Variants in CACNA2D3 observed in about 807,000 individuals in gnomAD.
The protein encoded by CACNA2D3 is calcium voltage-gated channel auxiliary subunit alpha2delta 3.
Under a neutral mutation model 160.6 loss-of-function variants are expected in CACNA2D3, and 60 were observed. That is an observed-to-expected ratio of 0.37 (90% CI 0.30 to 0.46). The LOEUF (loss-of-function observed/expected upper bound fraction) is 0.46, where lower values mean the gene tolerates loss of function less well. CACNA2D3 is among the 20% of genes least tolerant of loss of function. The pLI is 1.00. For missense variants in CACNA2D3, 1,205 were observed against 1,365.0 expected (o/e 0.88, Z 1.85); for synonymous variants, 558 against 492.9 (o/e 1.13, Z -1.75).
rs141034089 is a variant in CACNA2D3, at chr3:54,721,027, A to G, written c.1168-31572A>G. Among the ~76,000 whole-genome samples, 549 of 152,154 alleles carry G rather than the reference A, an allele frequency of 3.6e-3. 3 individuals are homozygous for G. The highest frequency in any genetic ancestry group is 6.8e-3 in the Middle Eastern group (2 of 294). On this transcript the variant is annotated intron_variant, in intron 11 of 37. Coordinates refer to ENST00000474759, the MANE Select transcript of CACNA2D3 (RefSeq NM_018398.3). Reference sequence around the variant, plus strand: ...AATCTAAAAAAGGCAAAATATTTCTATTATTCAGTTTTGTCATCTATTAGC... The same window carrying G: ...AATCTAAAAAAGGCAAAATATTTCTGTTATTCAGTTTTGTCATCTATTAGC...
intron 31 of CACNA2D3, among the ~76,000 whole-genome samples, chr3:54,991,668 T>A (rs1226747742): frequency 6.6e-6 from 1 of 152,124 alleles, no homozygotes; most frequent in African/African-American, 2.4e-5. Context: ...CTTTCAAGGT[T>A]CCTGACGGGG....
At chr3:54,767,083 T>C (rs994768805) in intron 13 of CACNA2D3, among the ~76,000 whole-genome samples, 6 of 151,806 alleles carry the variant, frequency 4.0e-5, no homozygotes, top group African/African-American at 1.4e-4. Flanking sequence ...GGTGCAGGGC[T>C]TGGGGAGAAA....
At chr3:55,055,212 A>G (rs1404780007) in intron 35 of CACNA2D3, among the ~76,000 whole-genome samples, 2 of 151,974 alleles carry the variant, frequency 1.3e-5, no homozygotes, top group African/African-American at 4.8e-5. Flanking sequence ...TAAGTCTTTA[A>G]TCTATTTTGA....
At chr3:54,920,012 C>T (rs991025957) in intron 27 of CACNA2D3, among the ~76,000 whole-genome samples, 1 of 152,202 alleles carries the variant, frequency 6.6e-6, no homozygotes, top group Non-Finnish European at 1.5e-5. Flanking sequence ...GACAGAACTG[C>T]CCCATGACCT....
chr3:54,564,227 C>T lies in CACNA2D3; in HGVS notation c.676+1296C>T, dbSNP rs535986983. Reference sequence around the variant, plus strand: ...GAAACCGCAGATCACCTGTTGTCTCCTCCAACAGGGAGTCCTTAAACTATG... The same window carrying T: ...GAAACCGCAGATCACCTGTTGTCTCTTCCAACAGGGAGTCCTTAAACTATG... On this transcript the variant is annotated intron_variant, in intron 6 of 37. Coordinates refer to ENST00000474759, the MANE Select transcript of CACNA2D3 (RefSeq NM_018398.3). Among the ~76,000 whole-genome samples the T allele has an allele frequency of 1.4e-4, 22 of 152,304 alleles. 1 individual carries two copies. In the South Asian group the frequency reaches 4.6e-3, roughly 32 times the overall value.
chr3:54,903,245 C>T (rs1330782970), intron 27 of CACNA2D3, among the ~76,000 whole-genome samples: 55 of 152,112 alleles, frequency 3.6e-4, no homozygotes, highest in Admixed American at 3.6e-3. Context: ...TGTGTTGTTC[C>T]CCTCTCTGTG....
chr3:54,989,080 G>A (rs1054899412), intron 31 of CACNA2D3, among the ~76,000 whole-genome samples: 1 of 152,160 alleles, frequency 6.6e-6, no homozygotes. Context: ...TGCCATCCAC[G>A]GCACCACTGA....
chr3:54,655,735 G>C (rs182755815), intron 11 of CACNA2D3, among the ~76,000 whole-genome samples: 7 of 152,272 alleles, frequency 4.6e-5, no homozygotes, highest in Non-Finnish European at 1.0e-4. Context: ...ATAAGTAGTA[G>C]CTAATGTTCA....
rs541231798 is a variant in CACNA2D3 at position 54,202,754 on chromosome 3, A to G, written c.204+79160A>G. Among the ~76,000 whole-genome samples the G allele has an allele frequency of 9.8e-5, 15 of 152,332 alleles. No individual in the cohort carries two copies. In the South Asian group the frequency reaches 3.1e-3, roughly 32 times the overall value. The stretch of plus-strand genomic sequence containing the variant: ...TAATAGACATAGGTAAGAAGACCAT[A>G]TATGTCCCAGGAGAGTCCTGGTTTA... On this transcript the variant is annotated intron_variant, in intron 2 of 37. Coordinates refer to ENST00000474759, the MANE Select transcript of CACNA2D3 (RefSeq NM_018398.3).
chr3:54,592,645 A>G (rs1348838230), intron 9 of CACNA2D3, among the ~76,000 whole-genome samples: 2 of 152,026 alleles, frequency 1.3e-5, no homozygotes, highest in Admixed American at 6.6e-5. Context: ...AAGGAGAATG[A>G]TATGATTTTT....
At chr3:55,030,898 G>A (rs1703672866) in intron 35 of CACNA2D3, among the ~76,000 whole-genome samples, 1 of 152,096 alleles carries the variant, frequency 6.6e-6, no homozygotes, top group African/African-American at 2.4e-5. Flanking sequence ...TCCCTCCTGA[G>A]TCCATGATAT....
At chr3:54,879,753 T>C (rs1428690009) in intron 20 of CACNA2D3, among the ~76,000 whole-genome samples, 1 of 152,216 alleles carries the variant, frequency 6.6e-6, no homozygotes, top group East Asian at 1.9e-4. Context: ...CCATTTCACC[T>C]TTTATTTCCA....
intron 13 of CACNA2D3, among the ~76,000 whole-genome samples, chr3:54,784,962 TCTCTACA>T (rs1702607251): frequency 6.6e-6 from 1 of 152,136 alleles, no homozygotes; most frequent in South Asian, 2.1e-4. Context: ...GTTTTGTACC[TCTCTACA>T]CTCTTGGGAA....
At chr3:55,071,520 TTGAC>T (rs1317272853) in intron 35 of CACNA2D3, among the ~76,000 whole-genome samples, 3 of 152,226 alleles carry the variant, frequency 2.0e-5, no homozygotes, top group Non-Finnish European at 4.4e-5. Context: ...TGGCATACCT[TTGAC>T]TGACTCTCTT....
intron 11 of CACNA2D3, among the ~76,000 whole-genome samples, chr3:54,737,277 C>T (rs1575449485): frequency 2.0e-5 from 3 of 150,932 alleles, no homozygotes; most frequent in Non-Finnish European, 4.4e-5. Context: ...ACACCATGTG[C>T]TATGCAGAAA....
intron 2 of CACNA2D3, among the ~76,000 whole-genome samples, chr3:54,239,849 G>A (rs147363561): frequency 1.5e-3 from 235 of 152,238 alleles, no homozygotes; most frequent in Non-Finnish European, 2.8e-3. Context: ...GTTAAAATAT[G>A]ACTACAATAA....
intron 2 of CACNA2D3, among the ~76,000 whole-genome samples, chr3:54,261,810 C>A (rs902777676): frequency 6.6e-6 from 1 of 152,176 alleles, no homozygotes; most frequent in African/African-American, 2.4e-5. Context: ...ACCCAAAATA[C>A]ACAGTTATAC....
chr3:54,896,009 TG>T, intron 25 of CACNA2D3, among the ~76,000 whole-genome samples: 1 of 152,286 alleles, frequency 6.6e-6, no homozygotes, highest in Non-Finnish European at 1.5e-5. Flanking sequence ...ACCAAGATTG[TG>T]GGGGCCCAGG....
At chr3:54,872,549 C>T (rs1699559661) in intron 18 of CACNA2D3, among the ~76,000 whole-genome samples, 1 of 152,170 alleles carries the variant, frequency 6.6e-6, no homozygotes, top group Non-Finnish European at 1.5e-5. Flanking sequence ...CATTTGAAAG[C>T]CCAGCCTGGG....
Sources: allele counts gnomAD v4.1 joint callset (sites outside exome capture counted in the v4.1 genomes callset), GRCh38; gene constraint gnomAD v4.1.1; transcripts MANE v1.5; gene names NCBI Gene and HGNC (gene_info 2026-07-23, HGNC 2026-07-21).